The following TMEM232 variants were observed in gnomAD, a reference collection of about 807,000 sequenced individuals.
TMEM232 encodes the protein transmembrane protein 232.
A neutral mutation model predicts 78.8 loss-of-function variants in TMEM232; 80 were observed. The observed-to-expected ratio is 1.01, with a 90% CI of 0.85 to 1.22. TMEM232 has a LOEUF of 1.22. Ranked by LOEUF, TMEM232 falls within the 50% of genes most tolerant of loss-of-function variation. TMEM232 has a pLI of 0.00. For synonymous variants in TMEM232, 297 were observed against 254.3 expected (o/e 1.17, Z -1.60); for missense variants, 881 against 742.2 (o/e 1.19, Z -2.17).
intron 2 of TMEM232, among the ~76,000 whole-genome samples, chr5:110,405,345 T>C (rs1418912463): frequency 1.3e-5 from 2 of 152,048 alleles, no homozygotes; most frequent in Non-Finnish European, 2.9e-5. Context: ...ATTTTTATAG[T>C]ATTATTTTAT....
At chr5:110,528,460 G>A (rs1005573407) in intron 12 of TMEM232, 128 bp downstream of exon 12, 22 of 1,015,118 alleles carry the variant, frequency 2.2e-5, no homozygotes, top group Non-Finnish European at 2.8e-5. Context: ...TCTAAGAGGT[G>A]ATCAAGCCAA....
chr5:110,475,445 ATTTTTTTT>A (rs61667699), intron 12 of TMEM232, among the ~76,000 whole-genome samples: 69 of 110,138 alleles, frequency 6.3e-4, no homozygotes, highest in African/African-American at 2.3e-3. Context: ...TTATACTTTG[ATTTTTTTT>A]TTTTTTTTTT....
At chr5:110,422,331 C>T (rs141528564) in intron 13 of TMEM232, among the ~76,000 whole-genome samples, 2,096 of 151,252 alleles carry the variant, frequency 0.014, 45 homozygotes, top group Admixed American at 0.062. Flanking sequence ...CTGGCTAACA[C>T]GGTGAAACGC....
intron 12 of TMEM232, among the ~76,000 whole-genome samples, chr5:110,465,738 G>A (rs1423134113): frequency 6.6e-6 from 1 of 152,078 alleles, no homozygotes; most frequent in Non-Finnish European, 1.5e-5. Flanking sequence ...AAAATTGGGT[G>A]TTACTAATGG....
chr5:110,616,123 GAGC>G (rs926707643), intron 8 of TMEM232, among the ~76,000 whole-genome samples: 11 of 151,746 alleles, frequency 7.2e-5, no homozygotes, highest in African/African-American at 1.2e-4. Flanking sequence ...AAGCAATCCT[GAGC>G]AAAAAGAAAA....
intron 11 of TMEM232, among the ~76,000 whole-genome samples, chr5:110,535,609 C>T (rs139099585): frequency 5.0e-4 from 76 of 152,136 alleles, no homozygotes; most frequent in Admixed American, 9.8e-4. Context: ...AATGACACCA[C>T]CAAAAAAGAG....
intron 1 of TMEM232, among the ~76,000 whole-genome samples, chr5:110,682,584 A>C (rs1419804867): frequency 2.6e-5 from 4 of 152,170 alleles, no homozygotes; most frequent in African/African-American, 9.6e-5. Flanking sequence ...TATTTATCTG[A>C]AATGGCCAAA....
chr5:110,508,896 A>G (rs1767301504), intron 12 of TMEM232, among the ~76,000 whole-genome samples: 1 of 142,898 alleles, frequency 7.0e-6, no homozygotes, highest in Non-Finnish European at 1.5e-5. Flanking sequence ...GTATATATGT[A>G]TATATATAAA....
chr5:110,408,188 TAAC>T (rs986555008), intron 2 of TMEM232, among the ~76,000 whole-genome samples: 18 of 152,072 alleles, frequency 1.2e-4, no homozygotes, highest in African/African-American at 3.9e-4. Context: ...ATTTCAAAAT[TAAC>T]AACCTAATGG....
chr5:110,690,063 G>C (rs1793921470), intron 1 of TMEM232, among the ~76,000 whole-genome samples: 1 of 152,130 alleles, frequency 6.6e-6, no homozygotes, highest in Non-Finnish European at 1.5e-5. Flanking sequence ...TACCATTCAG[G>C]ACATAGGCAT....
intron 12 of TMEM232, among the ~76,000 whole-genome samples, chr5:110,468,307 T>TA (rs1371773800): frequency 2.0e-5 from 3 of 151,378 alleles, no homozygotes; most frequent in Admixed American, 6.6e-5. Flanking sequence ...AATGTTTTTT[T>TA]AACATAAAAA....
chr5:110,533,320 G>A (rs182963121), intron 11 of TMEM232, among the ~76,000 whole-genome samples: 35 of 152,212 alleles, frequency 2.3e-4, no homozygotes, highest in Admixed American at 6.5e-4. Flanking sequence ...GATCGTGTCC[G>A]ATTAATCTCC....
intron 11 of TMEM232, among the ~76,000 whole-genome samples, chr5:110,542,761 A>G (rs1178445716): frequency 1.3e-5 from 2 of 152,114 alleles, no homozygotes; most frequent in East Asian, 1.9e-4. Flanking sequence ...CTCATGCCCA[A>G]GGAACATGAG....
chr5:110,664,162 G>T (rs941834684), intron 2 of TMEM232, among the ~76,000 whole-genome samples: 1 of 151,906 alleles, frequency 6.6e-6, no homozygotes, highest in African/African-American at 2.4e-5. Flanking sequence ...TATAAAAAAA[G>T]GACACACCTG....
chr5:110,719,143 T>C (rs1797318440), intron 1 of TMEM232, among the ~76,000 whole-genome samples: 1 of 151,970 alleles, frequency 6.6e-6, no homozygotes, highest in Non-Finnish European at 1.5e-5. Context: ...ACTGAAATAC[T>C]ATGAAGTACA....
rs565616913 is a variant in TMEM232, at chr5:110,440,815, G to T, written c.1704-15899C>A. 2.0e-5 allele frequency among the ~76,000 whole-genome samples: 3 copies of T among 152,112 alleles called. No individual in the cohort carries two copies. In the East Asian group the frequency reaches 5.8e-4, roughly 29 times the overall value. Reference sequence around the variant, plus strand: ...TCCAATGCCATCCTGATTTTCAGGCGTGTATAGTTTCATCCACTTATTTAT... The same window carrying T: ...TCCAATGCCATCCTGATTTTCAGGCTTGTATAGTTTCATCCACTTATTTAT... On this transcript the variant is annotated intron_variant, in intron 12 of 13. Coordinates refer to ENST00000455884, the MANE Select transcript of TMEM232 (RefSeq NM_001039763.4).
At chr5:110,532,593 C>T (rs568191871) in intron 11 of TMEM232, among the ~76,000 whole-genome samples, 1 of 152,034 alleles carries the variant, frequency 6.6e-6, no homozygotes, top group East Asian at 1.9e-4. Flanking sequence ...CTGCCCAGTT[C>T]CCTTATTAGG....
intron 1 of TMEM232, among the ~76,000 whole-genome samples, chr5:110,724,855 T>C (rs1797997097): frequency 6.6e-6 from 1 of 151,470 alleles, no homozygotes; most frequent in African/African-American, 2.5e-5. Context: ...GTTAAAAATA[T>C]GGTTTCAACA....
chr5:110,736,548 A>G (rs1178551437), intron 1 of TMEM232, among the ~76,000 whole-genome samples: 2 of 151,292 alleles, frequency 1.3e-5, no homozygotes, highest in Non-Finnish European at 1.5e-5. Flanking sequence ...GAATATTTTC[A>G]TGTCATTTAA....
Sources: gnomAD v4.1 joint callset for allele counts (sites outside exome capture counted in the v4.1 genomes callset) on GRCh38, gnomAD v4.1.1 for gene constraint, MANE v1.5 for transcripts, NCBI Gene and HGNC (gene_info 2026-07-23, HGNC 2026-07-21) for gene names.